LARGE1: variants seen among roughly 807,000 people sequenced by gnomAD.
The protein encoded by LARGE1 is xylosyl- and glucuronyltransferase LARGE1.
In LARGE1, 43 loss-of-function variants were observed where a neutral mutation model predicts 87.6. The ratio of observed to expected loss-of-function variants is 0.49; its 90% CI spans 0.38 to 0.63. The LOEUF is 0.63. LARGE1 is among the 30% of genes least tolerant of loss of function. The pLI is 0.00. For missense variants in LARGE1, 802 were observed against 1,000.2 expected (o/e 0.80, Z 2.67); for synonymous variants, 434 against 394.6 (o/e 1.10, Z -1.18).
chr22:33,100,840 A>AT, the LARGE1 span, among the ~76,000 whole-genome samples: 32,377 of 137,224 alleles, frequency 0.24, 4,432 homozygotes, highest in East Asian at 0.72. Flanking sequence ...ATTAACTTCT[A>AT]TTTTTTTTTT....
At chr22:33,666,402 T>C (rs2081269049) in intron 2 of LARGE1, among the ~76,000 whole-genome samples, 1 of 152,224 alleles carries the variant, frequency 6.6e-6, no homozygotes, top group African/African-American at 2.4e-5. Flanking sequence ...CTGCCTGGGT[T>C]GTCCTGTGCC....
intron 11 of LARGE1, among the ~76,000 whole-genome samples, chr22:33,220,184 A>T (rs1925390651): frequency 6.6e-6 from 1 of 152,198 alleles, no homozygotes; most frequent in Non-Finnish European, 1.5e-5. Context: ...TTGTGAGGTC[A>T]CGCACAGCTC....
At chr22:33,508,403 G>A (rs547432199) in intron 6 of LARGE1, among the ~76,000 whole-genome samples, 1 of 152,278 alleles carries the variant, frequency 6.6e-6, no homozygotes, top group South Asian at 2.1e-4. Context: ...CCAGGTAAGA[G>A]GGTCATGTTA....
intron 1 of LARGE1, among the ~76,000 whole-genome samples, chr22:33,846,679 T>C (rs1020585947): frequency 6.6e-6 from 1 of 152,200 alleles, no homozygotes; most frequent in African/African-American, 2.4e-5. Flanking sequence ...AGAGAATACA[T>C]GCCTGGGGGT....
At chr22:33,567,120 G>C (rs1270358714) in intron 5 of LARGE1, among the ~76,000 whole-genome samples, 1 of 152,138 alleles carries the variant, frequency 6.6e-6, no homozygotes, top group Admixed American at 6.5e-5. Flanking sequence ...GATGGAATGG[G>C]TCTCATGAGT....
At chr22:33,560,054 G>A (rs1426113467) in intron 6 of LARGE1, among the ~76,000 whole-genome samples, 1 of 152,146 alleles carries the variant, frequency 6.6e-6, no homozygotes, top group Non-Finnish European at 1.5e-5. Context: ...AGGGAAAGGA[G>A]GGTGCAGAGT....
At chr22:33,786,722 C>T (rs1167956132) in intron 1 of LARGE1, among the ~76,000 whole-genome samples, 4 of 152,160 alleles carry the variant, frequency 2.6e-5, no homozygotes, top group Non-Finnish European at 5.9e-5. Flanking sequence ...AACACCATTA[C>T]AGCTTAACAG....
At chr22:33,141,676 TC>T in the LARGE1 span, among the ~76,000 whole-genome samples, 2 of 152,170 alleles carry the variant, frequency 1.3e-5, no homozygotes, top group Admixed American at 1.3e-4. Flanking sequence ...CTGAGGTTGT[TC>T]CAAGCCATTT....
rs538840876 is a variant in LARGE1, at chr22:33,843,418, T to G, written c.-83+76577A>C. ...CACCACTGCACTCTAGCCTGAGGGA[T>G]AGAGCAAGACTCCCTCTCAAAAAAA... is the stretch of plus-strand genomic sequence containing the variant. On this transcript the variant is annotated intron_variant, in intron 1 of 14. Transcript: ENST00000397394. Among the ~76,000 whole-genome samples the G allele has an allele frequency of 7.0e-5, 10 of 143,236 alleles. No individual in the cohort carries two copies. In the South Asian group the frequency reaches 1.7e-3, roughly 24 times the overall value. The allele number at this position is 143,236 out of a possible 152,430, so 94.0% of individuals were successfully genotyped here. A position where few individuals can be genotyped will look rare whatever the true frequency, so the allele number is the denominator to read the frequency against.
At chr22:33,828,068 G>T (rs1358574482) in intron 1 of LARGE1, among the ~76,000 whole-genome samples, 1 of 152,190 alleles carries the variant, frequency 6.6e-6, no homozygotes, top group Non-Finnish European at 1.5e-5. Context: ...TGAGATGGCG[G>T]AAGGGGACAA....
chr22:33,791,349 C>G (rs537277298), intron 1 of LARGE1, among the ~76,000 whole-genome samples: 2 of 152,226 alleles, frequency 1.3e-5, no homozygotes, highest in African/African-American at 4.8e-5. Context: ...GGCCGTATAC[C>G]CTAGGAGTAA....
intron 3 of LARGE1, among the ~76,000 whole-genome samples, chr22:33,630,860 T>C (rs1173829244): frequency 1.6e-5 from 2 of 122,618 alleles, no homozygotes; most frequent in African/African-American, 6.1e-5. Flanking sequence ...AACTATCTCT[T>C]TTTTTTTTTT....
rs2067100866 is a variant in LARGE1 at position 33,432,106 on chromosome 22, A to G, written c.892+55T>C. ...CAATCTCCTCTCCTGCGGAAGGAGCACTGGGTCCTCATATCACCTTCTGCA... is the reference window on the plus strand; with the variant it reads ...CAATCTCCTCTCCTGCGGAAGGAGCGCTGGGTCCTCATATCACCTTCTGCA... On this transcript the variant is annotated intron_variant, in intron 7 of 14. Coordinates refer to ENST00000397394, the MANE Select transcript of LARGE1 (RefSeq NM_133642.5). 8.0e-6 allele frequency: 11 copies of G among 1,378,696 alleles called. No individual in the cohort carries two copies. The East Asian group carries it at 2.3e-4, about 29-fold the overall frequency. The allele number at this position is 1,378,696 out of a possible 1,614,324, so 85.4% of individuals were successfully genotyped here.
chr22:33,558,422 C>T (rs1232937454), intron 6 of LARGE1, among the ~76,000 whole-genome samples: 1 of 152,196 alleles, frequency 6.6e-6, no homozygotes, highest in Non-Finnish European at 1.5e-5. Flanking sequence ...GGGAAAGAAA[C>T]ACGCAAGGTC....
At chr22:33,209,136 G>A (rs544500892) in intron 11 of LARGE1, among the ~76,000 whole-genome samples, 1 of 152,342 alleles carries the variant, frequency 6.6e-6, no homozygotes, top group Non-Finnish European at 1.5e-5. Flanking sequence ...AAATCCTTGA[G>A]GAATCACCAC....
chr22:33,546,766 TAGAGATGGGGTTTC>T (rs2077371084), intron 6 of LARGE1, among the ~76,000 whole-genome samples: 1 of 152,154 alleles, frequency 6.6e-6, no homozygotes. Context: ...GTATTTTTAG[TAGAGATGGGGTTTC>T]ACAACGGTGG....
At chr22:33,115,544 G>A in the LARGE1 span, among the ~76,000 whole-genome samples, 52 of 151,476 alleles carry the variant, frequency 3.4e-4, no homozygotes, top group Non-Finnish European at 5.9e-4. Context: ...GAGGCCAGGC[G>A]AGGTGGCTCA....
intron 1 of LARGE1, among the ~76,000 whole-genome samples, chr22:33,800,795 A>C (rs1228051177): frequency 1.3e-5 from 2 of 152,180 alleles, no homozygotes; most frequent in Non-Finnish European, 2.9e-5. Flanking sequence ...TTCACCTGTT[A>C]AGGACTTTGG....
the LARGE1 span, among the ~76,000 whole-genome samples, chr22:33,075,400 T>A: frequency 6.6e-6 from 1 of 152,256 alleles, no homozygotes; most frequent in South Asian, 2.1e-4. Context: ...GTATTTGATC[T>A]TCCTTAGGTG....
Sources: allele counts gnomAD v4.1 joint callset (sites outside exome capture counted in the v4.1 genomes callset), GRCh38; gene constraint gnomAD v4.1.1; transcripts MANE v1.5; gene names NCBI Gene and HGNC (gene_info 2026-07-23, HGNC 2026-07-21).